The following IL23R variants were observed in gnomAD, a reference collection of about 807,000 sequenced individuals.
IL23R encodes interleukin 23 receptor.
In IL23R, 34 loss-of-function variants were observed where a neutral mutation model predicts 56.9. The ratio of observed to expected loss-of-function variants is 0.60; its 90% CI spans 0.45 to 0.80. The LOEUF is 0.80. Ranked by LOEUF, IL23R falls within the 30% of genes least tolerant of loss-of-function variation. IL23R has a pLI of 0.00. For synonymous variants in IL23R, 230 were observed against 249.2 expected (o/e 0.92, Z 0.73); for missense variants, 635 against 730.0 (o/e 0.87, Z 1.50).
intron 9 of IL23R, among the ~76,000 whole-genome samples, chr1:67,244,685 A>G (rs1652093500): frequency 1.3e-5 from 2 of 152,086 alleles, no homozygotes; most frequent in Non-Finnish European, 2.9e-5. Context: ...CTGTTTTGGT[A>G]CCAGTATCCT....
chr1:67,200,364 A>G (rs935092185), intron 4 of IL23R, among the ~76,000 whole-genome samples: 1 of 151,820 alleles, frequency 6.6e-6, no homozygotes, highest in Admixed American at 6.6e-5. Flanking sequence ...GTAACATTTT[A>G]AAAATCTGGA....
At chr1:67,144,209 C>T (rs1051804433) in intron 1 of IL23R, among the ~76,000 whole-genome samples, 1 of 152,160 alleles carries the variant, frequency 6.6e-6, no homozygotes, top group Non-Finnish European at 1.5e-5. Flanking sequence ...ATCTTGACAC[C>T]TATTCTAGAT....
intron 7 of IL23R, among the ~76,000 whole-genome samples, chr1:67,235,655 A>C (rs1243360080): frequency 6.6e-6 from 1 of 152,140 alleles, no homozygotes; most frequent in East Asian, 1.9e-4. Context: ...GGCTTCCCAA[A>C]GTGCTGAGAT....
intron 1 of IL23R, among the ~76,000 whole-genome samples, chr1:67,153,193 G>A (rs1295945832): frequency 1.3e-5 from 2 of 152,150 alleles, no homozygotes; most frequent in African/African-American, 4.8e-5. Context: ...TATGTGTCAA[G>A]AAATGTATCC....
At chr1:67,257,533 G>A (rs1287979016) in intron 10 of IL23R, among the ~76,000 whole-genome samples, 2 of 152,114 alleles carry the variant, frequency 1.3e-5, no homozygotes, top group Non-Finnish European at 2.9e-5. Flanking sequence ...TCCGTAACAG[G>A]GGGCTATAAT....
chr1:67,187,172 A>G (rs957712089), intron 4 of IL23R, among the ~76,000 whole-genome samples: 1 of 152,220 alleles, frequency 6.6e-6, no homozygotes, highest in Non-Finnish European at 1.5e-5. Flanking sequence ...TTTCCAAAGC[A>G]GCCACACCAT....
intron 4 of IL23R, among the ~76,000 whole-genome samples, chr1:67,193,380 CTG>C (rs1400083934): frequency 6.6e-6 from 1 of 152,142 alleles, no homozygotes; most frequent in Non-Finnish European, 1.5e-5. Context: ...GGGACTTTAT[CTG>C]TTTTGTTCAT....
chr1:67,140,825 A>T (rs969825365), intron 1 of IL23R, among the ~76,000 whole-genome samples: 2 of 152,170 alleles, frequency 1.3e-5, no homozygotes, highest in Non-Finnish European at 2.9e-5. Context: ...TTATGTGTCA[A>T]CAATTGCATT....
intron 1 of IL23R, among the ~76,000 whole-genome samples, chr1:67,141,169 A>C (rs1275877335): frequency 6.6e-6 from 1 of 152,232 alleles, no homozygotes; most frequent in Admixed American, 6.5e-5. Context: ...TTTTAAGACA[A>C]AGTATAAGTC....
At chr1:67,197,730 A>C (rs571603108) in intron 4 of IL23R, among the ~76,000 whole-genome samples, 84 of 152,274 alleles carry the variant, frequency 5.5e-4, no homozygotes, top group African/African-American at 1.9e-3. Context: ...GGATCACTTG[A>C]GCTCAGAGCT....
In IL23R at chr1:67,206,983, G is replaced by A; in HGVS notation, c.726G>A (p.Trp242Ter). Residue 242 changes from tryptophan to a stop codon, truncating the protein, a stop_gained, in exon 6 of 11, where the codon TGG (tryptophan) becomes TGA (stop). Coordinates refer to ENST00000347310, the MANE Select transcript of IL23R (RefSeq NM_144701.3). LOFTEE classifies it high-confidence loss of function. ...NATVPKTIIY[W>*]DSQTTIEKVS... ...CAGTGCCCAAGACCATAATTTATTG[G>A]GATAGTCAAACAACAATTGAAAAGG... 1 of 1,610,632 alleles carries A rather than the reference G, an allele frequency of 6.2e-7. No homozygotes were observed. Among genetic ancestry groups the A allele is most frequent in the African/African-American group, 1.3e-5 (1 of 74,334 alleles).
intron 7 of IL23R, 99 bp from the exon 8 acceptor site, chr1:67,236,614 A>T: frequency 1.3e-6 from 1 of 762,536 alleles, no homozygotes; most frequent in Non-Finnish European, 2.4e-6. Flanking sequence ...TTATTGGTTT[A>T]CTTTAGTCAT....
intron 7 of IL23R, among the ~76,000 whole-genome samples, chr1:67,226,977 C>A (rs943483601): frequency 2.0e-5 from 3 of 152,202 alleles, no homozygotes; most frequent in African/African-American, 7.2e-5. Flanking sequence ...TCACACATGA[C>A]CCTCTTCTGC....
At chr1:67,233,219 A>T (rs556564314) in intron 7 of IL23R, among the ~76,000 whole-genome samples, 19 of 149,110 alleles carry the variant, frequency 1.3e-4, no homozygotes, top group Non-Finnish European at 2.7e-4. Flanking sequence ...AAAAAAAAAA[A>T]GCCACGCGTG....
chr1:67,212,944 G>C (rs1299199892), intron 6 of IL23R, among the ~76,000 whole-genome samples: 1 of 151,868 alleles, frequency 6.6e-6, no homozygotes, highest in Non-Finnish European at 1.5e-5. Flanking sequence ...CGTGATCTTG[G>C]CTCACTGCAA....
intron 3 of IL23R, among the ~76,000 whole-genome samples, chr1:67,177,946 C>T (rs1647033295): frequency 1.3e-5 from 2 of 151,062 alleles, no homozygotes; most frequent in South Asian, 2.1e-4. Flanking sequence ...GGTGTTATTT[C>T]TGAGGTCTCT....
intron 3 of IL23R, among the ~76,000 whole-genome samples, chr1:67,174,604 G>A (rs1460727138): frequency 4.0e-5 from 6 of 151,798 alleles, no homozygotes; most frequent in Non-Finnish European, 7.4e-5. Context: ...TATTTCACAC[G>A]TAGGGATGAA....
At chr1:67,246,116 C>A (rs1282034369) in intron 9 of IL23R, among the ~76,000 whole-genome samples, 1 of 152,186 alleles carries the variant, frequency 6.6e-6, no homozygotes, top group Non-Finnish European at 1.5e-5. Context: ...TTATAGTATT[C>A]TCTGATGATA....
chr1:67,206,677 AGTTT>A (rs1649087921), intron 5 of IL23R, among the ~76,000 whole-genome samples: 1 of 146,848 alleles, frequency 6.8e-6, no homozygotes, highest in Admixed American at 6.8e-5. Flanking sequence ...ATTAGAGTTC[AGTTT>A]TTTTTTTTTT....
Sources: allele counts gnomAD v4.1 joint callset (sites outside exome capture counted in the v4.1 genomes callset), GRCh38; gene constraint gnomAD v4.1.1; transcripts MANE v1.5; gene names NCBI Gene and HGNC (gene_info 2026-07-23, HGNC 2026-07-21).